Variants in FRYL observed in about 807,000 individuals in gnomAD.
FRYL encodes protein furry homolog-like.
A neutral mutation model predicts 351.2 loss-of-function variants in FRYL; 150 were observed. That is an observed-to-expected ratio of 0.43 (90% CI 0.37 to 0.49). FRYL has a LOEUF of 0.49. FRYL is among the 20% of genes least tolerant of loss of function. The pLI, the probability that FRYL is intolerant of heterozygous loss-of-function variation, is 0.00. For synonymous variants in FRYL, 1,153 were observed against 1,257.1 expected (o/e 0.92, Z 1.75); for missense variants, 3,036 against 3,619.3 (o/e 0.84, Z 4.13).
chr4:48,777,853 A>G (rs953951796), intron 1 of FRYL, among the ~76,000 whole-genome samples: 1 of 152,178 alleles, frequency 6.6e-6, no homozygotes. Flanking sequence ...AAAACAAAAA[A>G]GAAGAAATAT....
chr4:48,634,557 C>A, intron 3 of FRYL, 67 bp from the exon 4 acceptor site: 1 of 1,241,396 alleles, frequency 8.1e-7, no homozygotes, highest in Non-Finnish European at 1.1e-6. Context: ...CCATAACTAC[C>A]CTATTTAATT....
rs757872294 is a variant in FRYL at position 48,522,939 on chromosome 4, C to T, written c.7483G>A (p.Ala2495Thr). ...DTDESSEEEA[A>T]LTASQILSRT... is the part of the protein sequence containing the mutation. ...GAGAGTATCTGGCTTGCTGTAAGTG[C>T]CGCTTCTTCTTCCGAGGACTCATCT... The change falls in exon 54 of 64, where the codon GCA (alanine) becomes ACA (threonine). Residue 2495 changes from alanine to threonine, a missense_variant. By Grantham distance (58) the Ala-to-Thr change is moderately conservative. Transcript: ENST00000358350. The T allele has an allele frequency of 6.2e-7, 1 of 1,613,956 alleles. No individual in the cohort carries two copies. Among genetic ancestry groups the T allele is most frequent in the Non-Finnish European group, 8.5e-7 (1 of 1,179,906 alleles).
At chr4:48,532,657 A>C (rs1237098372) in intron 49 of FRYL, among the ~76,000 whole-genome samples, 1 of 152,200 alleles carries the variant, frequency 6.6e-6, no homozygotes, top group African/African-American at 2.4e-5. Flanking sequence ...CATCTCAAAA[A>C]AAACAAAACA....
Position 48,581,419 on chromosome 4 carries a change from C to A in FRYL, c.2172+1G>T. ...AACTGAATGAAATACCTAAATCTTA[C>A]CTTAGGTATTTCCAGAAGTGCAAAT... On this transcript the variant is annotated splice_donor_variant, in intron 21 of 63. Transcript: ENST00000358350. LOFTEE classifies it high-confidence loss of function. The A allele has an allele frequency of 6.2e-7, 1 of 1,601,614 alleles. No individual in the cohort carries two copies. The highest frequency in any genetic ancestry group is 8.5e-7 in the Non-Finnish European group (1 of 1,174,134).
chr4:48,751,049 C>T lies in FRYL; in HGVS notation c.-384+29029G>A, dbSNP rs1773205236. On this transcript the variant is annotated intron_variant, in intron 1 of 63. Transcript: ENST00000358350. ...ACGTGAAACATACAAGCACTAAATG[C>T]CTAGATAAAATTAGCAAAAGAAAGA... 3.3e-5 allele frequency among the ~76,000 whole-genome samples: 5 copies of T among 152,060 alleles called. No homozygotes were observed. In the South Asian group the frequency reaches 1.0e-3, roughly 32 times the overall value.
At chr4:48,630,304 CA>C (rs1289161591) in intron 4 of FRYL, among the ~76,000 whole-genome samples, 3 of 152,000 alleles carry the variant, frequency 2.0e-5, no homozygotes, top group Non-Finnish European at 4.4e-5. Context: ...AAGGTAAAAC[CA>C]GCAGAAAAAT....
chr4:48,593,627 G>T (rs1743993445), intron 16 of FRYL, among the ~76,000 whole-genome samples: 1 of 151,848 alleles, frequency 6.6e-6, no homozygotes, highest in Non-Finnish European at 1.5e-5. Flanking sequence ...GCCTCCCAAA[G>T]TGCTGGGATT....
At chr4:48,689,025 T>C (rs1238910406) in intron 2 of FRYL, among the ~76,000 whole-genome samples, 1 of 152,176 alleles carries the variant, frequency 6.6e-6, no homozygotes, top group Non-Finnish European at 1.5e-5. Flanking sequence ...CACTGACTAA[T>C]ATAATTACAG....
Position 48,581,525 on chromosome 4 carries a change from G to C in FRYL, c.2067C>G (p.Gly689=), listed in dbSNP as rs762024342. 1.6e-5 allele frequency: 26 copies of C among 1,613,862 alleles called. No individual in the cohort carries two copies. The highest frequency in any genetic ancestry group is 2.1e-5 in the Non-Finnish European group (25 of 1,179,978). The change falls in exon 21 of 64, where the codon GGC becomes GGG. Residue 689 remains glycine (G), a synonymous_variant. Coordinates refer to ENST00000358350, the MANE Select transcript of FRYL (RefSeq NM_015030.2). The part of the protein sequence containing the change: ...PYSNVFHVVE[G]FALVILCSSR... ...TGCTACAGAGAATGACAAGCGCAAA[G>C]CCTTCAACCACATGGAATACATTGG...
At chr4:48,623,697 A>T (rs1215942999) in intron 4 of FRYL, among the ~76,000 whole-genome samples, 2 of 152,124 alleles carry the variant, frequency 1.3e-5, no homozygotes, top group African/African-American at 4.8e-5. Context: ...CTGAAAAAAC[A>T]AGGCGGTTGT....
intron 47 of FRYL, among the ~76,000 whole-genome samples, chr4:48,536,135 T>C (rs1728824468): frequency 6.6e-6 from 1 of 152,140 alleles, no homozygotes; most frequent in African/African-American, 2.4e-5. Context: ...GGGACATCAT[T>C]TTGGAATTGC....
Position 48,542,055 on chromosome 4 carries a change from G to A in FRYL, c.5659C>T (p.His1887Tyr). Residue 1887 changes from histidine to tyrosine, a missense_variant, in exon 45 of 64, where the codon CAT becomes TAT. Around this residue, in one of 7 missense-constraint regions of FRYL, gnomAD observed 1,987 missense variants for 2,311.7 expected, o/e 0.86. Coordinates refer to ENST00000358350, the MANE Select transcript of FRYL (RefSeq NM_015030.2). Reference protein sequence around the residue: ...AIDTLAETMKHYDLLSALSQT... With the variant: ...AIDTLAETMKYYDLLSALSQT... ...GAAAGGGCAGAAAGAAGATCATAAT[G>A]CTTCATGGTTTCAGCCAAAGTATCA... 3 of 1,613,354 alleles carry A rather than the reference G, an allele frequency of 1.9e-6. No individual in the cohort carries two copies. The highest frequency in any genetic ancestry group is 2.5e-6 in the Non-Finnish European group (3 of 1,179,376).
At position 48,561,563 on chromosome 4, in the gene FRYL, A is replaced by G. The variant is rs1416841813; in HGVS notation, c.3770T>C (p.Leu1257Pro). 6.2e-7 allele frequency: 1 copy of G among 1,612,986 alleles called. No homozygotes were observed. Among genetic ancestry groups the G allele is most frequent in the East Asian group, 2.2e-5 (1 of 44,864 alleles). The stretch of plus-strand genomic sequence containing the variant: ...AGAATAGAGATGTGGTAGAGGAGAC[A>G]GCTGGCTGAGTACTCCATCTGTTCT... Reference protein sequence around the residue: ...VQRTDGVLSQLSPLPHLYSVS... With the variant: ...VQRTDGVLSQPSPLPHLYSVS... Residue 1257 changes from leucine to proline, a missense_variant, in exon 33 of 64, where the codon CTG becomes CCG. By Grantham distance (98) the Leu-to-Pro change is moderately conservative. Around this residue, in one of 7 missense-constraint regions of FRYL, gnomAD observed 1,987 missense variants for 2,311.7 expected, o/e 0.86. Transcript: ENST00000358350.
chr4:48,531,145 G>C lies in FRYL; in HGVS notation c.6903+11C>G, dbSNP rs373741989. On this transcript the variant is annotated intron_variant, in intron 50 of 63. Transcript: ENST00000358350. ...TAGTAGAGTAACTTCATCAATTTCT[G>C]AGCATCTTACCTCAGATATATCAAA... is the stretch of plus-strand genomic sequence containing the variant. The C allele has an allele frequency of 1.1e-4, 163 of 1,507,514 alleles. No individual in the cohort carries two copies. The highest frequency in any genetic ancestry group is 1.8e-5 in the Non-Finnish European group (20 of 1,092,674). 93.4% of individuals were successfully genotyped at this position (1,507,514 alleles called of 1,614,324 possible). A position where few individuals can be genotyped will look rare whatever the true frequency, so the allele number is the denominator to read the frequency against.
At chr4:48,669,655 T>C (rs1357876011) in intron 3 of FRYL, among the ~76,000 whole-genome samples, 3 of 146,960 alleles carry the variant, frequency 2.0e-5, no homozygotes, top group East Asian at 2.0e-4. Flanking sequence ...AAATTATATA[T>C]CTCATTAATT....
At chr4:48,579,312 T>A in intron 22 of FRYL, 71 bp from the exon 23 acceptor site, 1 of 1,301,482 alleles carries the variant, frequency 7.7e-7, no homozygotes. Context: ...TAAATTGCTT[T>A]AAACTGAAAG....
In FRYL at chr4:48,497,645, TAA is replaced by T. The variant is rs377362439; in HGVS notation, c.*1775_*1776del. Reference sequence around the variant, plus strand: ...AAACAGAGGACAGTAAGATAGGATGTAAAGTGTGATGTATCTCTGGACACCAT... The same window carrying T: ...AAACAGAGGACAGTAAGATAGGATGTAGTGTGATGTATCTCTGGACACCAT... On this transcript the variant is annotated 3_prime_UTR_variant, in exon 64 of 64. Coordinates refer to ENST00000358350, the MANE Select transcript of FRYL (RefSeq NM_015030.2). The T allele has an allele frequency of 6.5e-6, 1 of 152,720 alleles. No homozygotes were observed. The highest frequency in any genetic ancestry group is 1.5e-5 in the Non-Finnish European group (1 of 68,018). 9.5% of individuals were successfully genotyped at this position (152,720 alleles called of 1,614,324 possible).
At position 48,564,957 on chromosome 4, in the gene FRYL, G is replaced by A; in HGVS notation, c.3417C>T (p.Asn1139=). Residue 1139 remains asparagine, a synonymous_variant, in exon 30 of 64, where the codon AAC becomes AAT. Transcript: ENST00000358350. The stretch of plus-strand genomic sequence containing the variant: ...CCTTTTTGTCCAGAGAATCCAAAAT[G>A]TTATCCAACCATTTGTACAAATAGC... ...SDGYLYKWLD[N]ILDSLDKKVH... 1 of 1,600,168 alleles carries A rather than the reference G, an allele frequency of 6.2e-7. No homozygotes were observed. Among genetic ancestry groups the A allele is most frequent in the Non-Finnish European group, 8.6e-7 (1 of 1,169,334 alleles).
At chr4:48,551,116 T>C (rs1222976233) in intron 37 of FRYL, among the ~76,000 whole-genome samples, 4 of 151,848 alleles carry the variant, frequency 2.6e-5, no homozygotes, top group South Asian at 2.1e-4. Context: ...AAAAGTTTAC[T>C]ATGACGTACA....
Sources: allele counts gnomAD v4.1 joint callset (sites outside exome capture counted in the v4.1 genomes callset), GRCh38; gene constraint gnomAD v4.1.1; regional missense constraint gnomAD v4.1.1; transcripts MANE v1.5; gene names NCBI Gene and HGNC (gene_info 2026-07-23, HGNC 2026-07-21).